SHISA6: variants seen among roughly 807,000 people sequenced by gnomAD.
The protein encoded by SHISA6 is shisa family member 6.
A neutral mutation model predicts 47.9 loss-of-function variants in SHISA6; 22 were observed. The ratio of observed to expected loss-of-function variants is 0.46; its 90% CI spans 0.33 to 0.66. The LOEUF (loss-of-function observed/expected upper bound fraction) is 0.66, where lower values mean the gene tolerates loss of function less well. SHISA6 is among the 30% of genes least tolerant of loss of function. SHISA6 has a pLI of 0.02. For missense variants in SHISA6, 680 were observed against 764.6 expected (o/e 0.89, Z 1.30); for synonymous variants, 388 against 337.8 (o/e 1.15, Z -1.63).
chr17:11,491,924 A>ACCACACCCAG (rs1434813570), intron 3 of SHISA6, among the ~76,000 whole-genome samples: 3 of 151,982 alleles, frequency 2.0e-5, no homozygotes, highest in Non-Finnish European at 4.4e-5. Context: ...GGCATGCACC[A>ACCACACCCAG]CCACACCCAG....
intron 3 of SHISA6, among the ~76,000 whole-genome samples, chr17:11,405,265 A>C (rs965312114): frequency 5.9e-5 from 9 of 152,130 alleles, no homozygotes; most frequent in African/African-American, 1.9e-4. Flanking sequence ...ATTTTGATCC[A>C]GTAGGTCTAG....
chr17:11,471,805 T>A (rs1915940918), intron 3 of SHISA6, among the ~76,000 whole-genome samples: 1 of 152,176 alleles, frequency 6.6e-6, no homozygotes, highest in African/African-American at 2.4e-5. Flanking sequence ...CAGTTTTAGT[T>A]TCACAGCAAA....
rs138536484 is a variant in SHISA6 at position 11,540,755 on chromosome 17, G to A, written c.896-11141G>A. ...AACATGCATGGTAAATGTCTGAGAG[G>A]AAGGATATAGTATGCAGGATTCAAA... On this transcript the variant is annotated intron_variant, in intron 3 of 5. Transcript: ENST00000441885. 1.8e-3 allele frequency among the ~76,000 whole-genome samples: 277 copies of A among 152,276 alleles called. No individual in the cohort carries two copies. In the Middle Eastern group the frequency reaches 0.031, roughly 17 times the overall value.
intron 3 of SHISA6, among the ~76,000 whole-genome samples, chr17:11,425,006 CAAAAAAA>C (rs34270452): frequency 1.4e-5 from 1 of 70,050 alleles, no homozygotes; most frequent in Non-Finnish European, 2.7e-5. Flanking sequence ...TACTCCGTCT[CAAAAAAA>C]AAAAAAAAAA....
chr17:11,457,309 G>A (rs1335419590), intron 3 of SHISA6, among the ~76,000 whole-genome samples: 2 of 152,094 alleles, frequency 1.3e-5, no homozygotes, highest in African/African-American at 2.4e-5. Flanking sequence ...CAGTCTTCCC[G>A]AGGAAGCTTT....
Position 11,562,304 on chromosome 17 carries a change from T to C in SHISA6, c.*4000T>C, listed in dbSNP as rs1303248049. On this transcript the variant is annotated 3_prime_UTR_variant, in exon 6 of 6. Transcript: ENST00000441885. Reference sequence around the variant, plus strand: ...AGGCAACTGTGCACTTGACCCAAGGTAAAATGAAAGGGCTGCCAATCACTC... The same window carrying C: ...AGGCAACTGTGCACTTGACCCAAGGCAAAATGAAAGGGCTGCCAATCACTC... 3 of 152,016 alleles carry C rather than the reference T, an allele frequency of 2.0e-5. No homozygotes were observed. The highest frequency in any genetic ancestry group is 2.9e-5 in the Non-Finnish European group (2 of 68,016). The allele number at this position is 152,016 out of a possible 1,614,324, so 9.4% of individuals were successfully genotyped here.
chr17:11,414,328 A>G (rs1914219037), intron 3 of SHISA6, among the ~76,000 whole-genome samples: 3 of 152,234 alleles, frequency 2.0e-5, no homozygotes, highest in Admixed American at 2.0e-4. Flanking sequence ...GGATATCCCT[A>G]CCAGACTCTC....
At chr17:11,353,231 G>T (rs1473268362) in intron 2 of SHISA6, among the ~76,000 whole-genome samples, 2 of 152,156 alleles carry the variant, frequency 1.3e-5, no homozygotes, top group Non-Finnish European at 2.9e-5. Flanking sequence ...GGCCGAGGCT[G>T]GCGGATCACG....
chr17:11,320,470 T>C (rs927552917), intron 2 of SHISA6, among the ~76,000 whole-genome samples: 1 of 151,968 alleles, frequency 6.6e-6, no homozygotes, highest in Non-Finnish European at 1.5e-5. Context: ...CCAGCCTGGC[T>C]AACATGGTGA....
At chr17:11,331,756 A>ACACACAGC (rs1244172748) in intron 2 of SHISA6, among the ~76,000 whole-genome samples, 2 of 151,784 alleles carry the variant, frequency 1.3e-5, no homozygotes, top group Non-Finnish European at 2.9e-5. Flanking sequence ...ACACACACAC[A>ACACACAGC]CACACAGCCC....
chr17:11,300,851 A>G (rs1054977935), intron 2 of SHISA6, among the ~76,000 whole-genome samples: 4 of 151,924 alleles, frequency 2.6e-5, no homozygotes, highest in African/African-American at 9.7e-5. Context: ...GGTGGAGCAC[A>G]TGGGGGAACA....
intron 3 of SHISA6, among the ~76,000 whole-genome samples, chr17:11,446,201 A>C (rs1915231211): frequency 6.6e-6 from 1 of 152,236 alleles, no homozygotes; most frequent in South Asian, 2.1e-4. Flanking sequence ...GATCAAGTGA[A>C]GGAGGACTCT....
chr17:11,265,044 T>A (rs1191499242), intron 2 of SHISA6, among the ~76,000 whole-genome samples: 1 of 152,184 alleles, frequency 6.6e-6, no homozygotes, highest in Non-Finnish European at 1.5e-5. Flanking sequence ...CATAGGTCCT[T>A]AAAACAAGCA....
At chr17:11,363,816 A>G (rs1912363058) in intron 2 of SHISA6, among the ~76,000 whole-genome samples, 1 of 152,162 alleles carries the variant, frequency 6.6e-6, no homozygotes, top group African/African-American at 2.4e-5. Context: ...TTCCATGGCA[A>G]TGACCTGGAA....
chr17:11,493,620 C>T (rs2071384856), intron 3 of SHISA6, among the ~76,000 whole-genome samples: 1 of 152,170 alleles, frequency 6.6e-6, no homozygotes, highest in African/African-American at 2.4e-5. Context: ...CTACCAAAAC[C>T]TTTGTGAGTC....
intron 2 of SHISA6, among the ~76,000 whole-genome samples, chr17:11,299,065 G>T (rs1909839866): frequency 6.6e-6 from 1 of 152,168 alleles, no homozygotes; most frequent in South Asian, 2.1e-4. Flanking sequence ...ACCAAGAATG[G>T]TTGAATCTTC....
At chr17:11,430,839 G>C (rs1302470895) in intron 3 of SHISA6, among the ~76,000 whole-genome samples, 1 of 152,150 alleles carries the variant, frequency 6.6e-6, no homozygotes, top group African/African-American at 2.4e-5. Context: ...CACAAAGAGA[G>C]CAGGAGAAGT....
intron 2 of SHISA6, among the ~76,000 whole-genome samples, chr17:11,357,719 T>C (rs1912122511): frequency 6.6e-6 from 1 of 152,234 alleles, no homozygotes; most frequent in African/African-American, 2.4e-5. Flanking sequence ...TTAGCTTGAT[T>C]CTAGTTTTAC....
rs1192938638 is a variant in SHISA6 at position 11,326,551 on chromosome 17, A to G, written c.800-52863A>G. 3.9e-5 allele frequency among the ~76,000 whole-genome samples: 6 copies of G among 152,168 alleles called. No individual in the cohort carries two copies. The East Asian group carries it at 1.2e-3, about 29-fold the overall frequency. On this transcript the variant is annotated intron_variant, in intron 2 of 5. Coordinates refer to ENST00000441885, the MANE Select transcript of SHISA6 (RefSeq NM_207386.4). ...GGTTGGGGCCAAGCTCATTTACTCA[A>G]CCATTCATAATGACATGGCACCATA...
Sources: allele counts gnomAD v4.1 joint callset (sites outside exome capture counted in the v4.1 genomes callset), GRCh38; gene constraint gnomAD v4.1.1; transcripts MANE v1.5; gene names NCBI Gene and HGNC (gene_info 2026-07-23, HGNC 2026-07-21).